SLC26A7: variants seen among roughly 807,000 people sequenced by gnomAD.
SLC26A7 encodes anion exchange transporter.
A neutral mutation model predicts 82.5 loss-of-function variants in SLC26A7; 59 were observed. The observed-to-expected ratio is 0.72, with a 90% CI of 0.58 to 0.89. The LOEUF is 0.89. Among genes scored for constraint, SLC26A7 ranks in the 40% least tolerant of loss-of-function variants. The pLI, the probability that SLC26A7 is intolerant of heterozygous loss-of-function variation, is 0.00. For synonymous variants in SLC26A7, 271 were observed against 274.3 expected, an observed-to-expected ratio of 0.99 and a Z score of 0.12; for missense variants, 820 against 793.0, an observed-to-expected ratio of 1.03 and a Z score of -0.41.
chr8:91,275,476 T>A (rs1208117417), intron 2 of SLC26A7, among the ~76,000 whole-genome samples: 1 of 152,004 alleles, frequency 6.6e-6, no homozygotes, highest in African/African-American at 2.4e-5. Flanking sequence ...TCTTTAAAAT[T>A]TTTTGTGGAG....
At chr8:91,273,632 G>A (rs1195213043) in intron 2 of SLC26A7, among the ~76,000 whole-genome samples, 1 of 152,112 alleles carries the variant, frequency 6.6e-6, no homozygotes, top group Non-Finnish European at 1.5e-5. Context: ...TATAACACTG[G>A]AAAATATGCT....
chr8:91,286,655 C>T (rs1056419805), intron 2 of SLC26A7, among the ~76,000 whole-genome samples: 1 of 152,064 alleles, frequency 6.6e-6, no homozygotes, highest in Non-Finnish European at 1.5e-5. Context: ...GGTAATTTTG[C>T]TCTTATTTGA....
At chr8:91,221,100 T>C (rs1260858250) in intron 2 of SLC26A7, among the ~76,000 whole-genome samples, 1 of 152,240 alleles carries the variant, frequency 6.6e-6, no homozygotes, top group Non-Finnish European at 1.5e-5. Flanking sequence ...GGTTTTGATT[T>C]GCATTTCTCT....
chr8:91,321,924 T>C (rs1173349935), intron 5 of SLC26A7, among the ~76,000 whole-genome samples: 1 of 152,170 alleles, frequency 6.6e-6, no homozygotes, highest in Non-Finnish European at 1.5e-5. Context: ...TGTGCACTGA[T>C]GATAATTATA....
chr8:91,296,505 C>T (rs1426967124), intron 4 of SLC26A7, among the ~76,000 whole-genome samples: 2 of 151,864 alleles, frequency 1.3e-5, no homozygotes, highest in African/African-American at 4.8e-5. Context: ...CTTGTAAACA[C>T]CAAGAAGGGC....
chr8:91,210,576 C>G (rs1392881429), intron 1 of SLC26A7, among the ~76,000 whole-genome samples: 1 of 143,504 alleles, frequency 7.0e-6, no homozygotes, highest in African/African-American at 2.9e-5. Context: ...CACACACACA[C>G]ACACACACAC....
At chr8:91,373,746 G>A (rs1563706581) in intron 15 of SLC26A7, among the ~76,000 whole-genome samples, 1 of 151,936 alleles carries the variant, frequency 6.6e-6, no homozygotes, top group Non-Finnish European at 1.5e-5. Flanking sequence ...CAAAGAATGA[G>A]TTAGAGAGGA....
intron 2 of SLC26A7, among the ~76,000 whole-genome samples, chr8:91,279,125 GTATATATATATATATATATATATATATA>G (rs55869816): frequency 0.15 from 16,566 of 111,556 alleles, 1,416 homozygotes; most frequent in Middle Eastern, 0.28. Context: ...GTGTGTGTGT[GTATATATATATATATATATATATATATA>G]TATATATATA....
intron 2 of SLC26A7, among the ~76,000 whole-genome samples, chr8:91,225,860 T>C (rs1023334749): frequency 1.3e-5 from 2 of 152,004 alleles, no homozygotes; most frequent in Non-Finnish European, 2.9e-5. Context: ...CTCCATGTCA[T>C]GGCAACTGGC....
intron 11 of SLC26A7, among the ~76,000 whole-genome samples, chr8:91,359,716 A>G (rs758958253): frequency 1.3e-5 from 2 of 152,168 alleles, no homozygotes; most frequent in Non-Finnish European, 2.9e-5. Flanking sequence ...TATTGGGCAC[A>G]GCATTCAAAG....
At chr8:91,359,764 A>C (rs1813995326) in intron 11 of SLC26A7, among the ~76,000 whole-genome samples, 1 of 152,156 alleles carries the variant, frequency 6.6e-6, no homozygotes, top group East Asian at 1.9e-4. Context: ...CAAAGTATGA[A>C]TATTGCACAG....
intron 7 of SLC26A7, among the ~76,000 whole-genome samples, chr8:91,340,161 C>T (rs1437558521): frequency 6.6e-6 from 1 of 152,136 alleles, no homozygotes; most frequent in African/African-American, 2.4e-5. Flanking sequence ...AATCTGAATT[C>T]TCTGGGCGTA....
In SLC26A7 at chr8:91,379,386, G is replaced by C. The variant is rs186652909; in HGVS notation, c.1675+9553G>C. On this transcript the variant is annotated intron_variant, in intron 15 of 18. Coordinates refer to ENST00000276609, the MANE Select transcript of SLC26A7 (RefSeq NM_052832.4). ...AGACACTTGAAAAATATGAACAAATGAAGGGTATGTCCTCTTAGCATCAAG... is the reference window on the plus strand; with the variant it reads ...AGACACTTGAAAAATATGAACAAATCAAGGGTATGTCCTCTTAGCATCAAG... Among the ~76,000 whole-genome samples, 15 of 152,148 alleles carry C rather than the reference G, an allele frequency of 9.9e-5. No homozygotes were observed. The East Asian group carries it at 2.9e-3, about 29-fold the overall frequency.
Position 91,249,644 on chromosome 8 carries a change from T to C in SLC26A7, c.-8T>C. On this transcript the variant is annotated 5_prime_UTR_variant, in exon 2 of 19. Transcript: ENST00000276609. ...AGAAGTTTACTTCTACAAGAAGAAA[T>C]CTGAAAAATGACAGGAGCAAAGAGG... is the stretch of plus-strand genomic sequence containing the variant. 1 of 1,502,080 alleles carries C rather than the reference T, an allele frequency of 6.7e-7. No homozygotes were observed. Among genetic ancestry groups the C allele is most frequent in the Non-Finnish European group, 8.9e-7 (1 of 1,126,368 alleles). 93.0% of individuals were successfully genotyped at this position (1,502,080 alleles called of 1,614,324 possible).
At chr8:91,349,142 G>A (rs1287129922) in intron 9 of SLC26A7, among the ~76,000 whole-genome samples, 2 of 152,156 alleles carry the variant, frequency 1.3e-5, no homozygotes, top group Admixed American at 1.3e-4. Flanking sequence ...TATATACACT[G>A]GACAGAGCTT....
chr8:91,346,827 G>A (rs1426195595), intron 9 of SLC26A7, among the ~76,000 whole-genome samples: 1 of 152,118 alleles, frequency 6.6e-6, no homozygotes, highest in Non-Finnish European at 1.5e-5. Flanking sequence ...TCCTTCTCCA[G>A]CCCTTGTGGG....
At chr8:91,296,319 A>G (rs1384551553) in intron 4 of SLC26A7, among the ~76,000 whole-genome samples, 3 of 152,232 alleles carry the variant, frequency 2.0e-5, no homozygotes, top group African/African-American at 7.2e-5. Context: ...AGAGGTGACT[A>G]TAAAATAAAT....
chr8:91,384,293 A>ACATCGTCAAATCTCTCCTCTCT (rs1392979884), intron 15 of SLC26A7, among the ~76,000 whole-genome samples: 2 of 152,022 alleles, frequency 1.3e-5, no homozygotes, highest in Non-Finnish European at 2.9e-5. Context: ...TGCCAGTGTG[A>ACATCGTCAAATCTCTCCTCTCT]CATCGTCAAA....
At chr8:91,386,954 T>G (rs1405024683) in intron 15 of SLC26A7, among the ~76,000 whole-genome samples, 1 of 152,160 alleles carries the variant, frequency 6.6e-6, no homozygotes, top group East Asian at 1.9e-4. Context: ...TAAACATGAT[T>G]AGTCTTACTA....
Sources: gnomAD v4.1 joint callset for allele counts (sites outside exome capture counted in the v4.1 genomes callset) on GRCh38, gnomAD v4.1.1 for gene constraint, MANE v1.5 for transcripts, NCBI Gene and HGNC (gene_info 2026-07-23, HGNC 2026-07-21) for gene names.